CD9: variants seen among roughly 807,000 people sequenced by gnomAD.
CD9 encodes the protein CD9 molecule, also known as CD9 antigen.
Under a neutral mutation model 31.4 loss-of-function variants are expected in CD9, and 10 were observed. That is an observed-to-expected ratio of 0.32 (90% CI 0.20 to 0.54). The LOEUF (loss-of-function observed/expected upper bound fraction) is 0.54. Among genes scored for constraint, CD9 ranks in the 20% least tolerant of loss-of-function variants. CD9 has a pLI of 0.94. For synonymous variants in CD9, 113 were observed against 114.1 expected (o/e 0.99, Z 0.06); for missense variants, 259 against 300.1 (o/e 0.86, Z 1.01).
At chr12:6,223,507 C>T (rs1040674853) in intron 1 of CD9, among the ~76,000 whole-genome samples, 2 of 152,074 alleles carry the variant, frequency 1.3e-5, no homozygotes, top group Admixed American at 1.3e-4. Context: ...GTGATCCACC[C>T]GCCTCAGCCT....
intron 2 of CD9, among the ~76,000 whole-genome samples, chr12:6,226,914 G>A (rs543805479): frequency 1.4e-4 from 22 of 152,162 alleles, no homozygotes; most frequent in Non-Finnish European, 2.9e-4. Flanking sequence ...CACACTCCAC[G>A]CCGTGTTCCA....
chr12:6,232,001 C>T lies in CD9; in HGVS notation c.176-631C>T, dbSNP rs892282017. 6.6e-6 allele frequency among the ~76,000 whole-genome samples: 1 copy of T among 152,160 alleles called. No individual in the cohort carries two copies. Among genetic ancestry groups the T allele is most frequent in the African/African-American group, 2.4e-5 (1 of 41,442 alleles). ...GTCTTCTGACACCCAGATCTGTGTC[C>T]TTTGCACTAGAGTCAGGTATTGGAC... On this transcript the variant is annotated intron_variant, in intron 2 of 7. Transcript: ENST00000009180. The surrounding 1 kb of genome is among the most constrained non-coding windows in gnomAD (Gnocchi z 4.8).
chr12:6,202,390 C>CG (rs1946087349), intron 1 of CD9, among the ~76,000 whole-genome samples: 1 of 152,206 alleles, frequency 6.6e-6, no homozygotes, highest in Admixed American at 6.5e-5. Context: ...GAAAAGTATG[C>CG]GGGAAGGCAG....
chr12:6,210,034 G>A (rs998325507), intron 1 of CD9, among the ~76,000 whole-genome samples: 1 of 152,172 alleles, frequency 6.6e-6, no homozygotes, highest in Non-Finnish European at 1.5e-5. Flanking sequence ...GGATGAGGAG[G>A]GACACTTTGG....
chr12:6,233,635 G>A, intron 4 of CD9, 149 bp downstream of exon 4: 1 of 660,200 alleles, frequency 1.5e-6, no homozygotes, highest in Non-Finnish European at 2.7e-6. Flanking sequence ...GCCAGCGAAT[G>A]TGCCCTCCTC....
At position 6,237,922 on chromosome 12, in the gene CD9, G is replaced by GT. The variant is rs1265837817; in HGVS notation, c.*101dup. 11 of 952,266 alleles carry GT rather than the reference G, an allele frequency of 1.2e-5. No individual in the cohort carries two copies. The highest frequency in any genetic ancestry group is 4.3e-5 in the South Asian group (3 of 69,610). 59.0% of individuals were successfully genotyped at this position (952,266 alleles called of 1,614,324 possible). A position where few individuals can be genotyped will look rare whatever the true frequency, so the allele number is the denominator to read the frequency against. ...TTGTTTTGTTTGTTGTTTGTTGTTTGTTTTTTTGCCACTAATTTTAGTATT... is the reference window on the plus strand; with the variant it reads ...TTGTTTTGTTTGTTGTTTGTTGTTTGTTTTTTTTGCCACTAATTTTAGTATT... On this transcript the variant is annotated 3_prime_UTR_variant, in exon 8 of 8. Transcript: ENST00000009180.
intron 3 of CD9, 55 bp from the exon 4 acceptor site, chr12:6,233,357 T>A: frequency 7.4e-7 from 1 of 1,347,458 alleles, no homozygotes; most frequent in Non-Finnish European, 1.1e-6. Context: ...ACCCTTTGAT[T>A]TTCCTGGCTG....
Position 6,235,439 on chromosome 12 carries a change from T to C in CD9, c.448-37T>C, listed in dbSNP as rs754944209. The C allele has an allele frequency of 1.9e-6, 3 of 1,613,532 alleles. No homozygotes were observed. In the Admixed American group the frequency reaches 5.0e-5, roughly 27 times the overall value. Reference sequence around the variant, plus strand: ...ACATTCTAATCGTCTTCTTACAATTTGTTTCTCTCATCCCCATCCCTGCCT... The same window carrying C: ...ACATTCTAATCGTCTTCTTACAATTCGTTTCTCTCATCCCCATCCCTGCCT... On this transcript the variant is annotated intron_variant, in intron 5 of 7. Transcript: ENST00000009180.
intron 1 of CD9, among the ~76,000 whole-genome samples, chr12:6,209,699 T>C (rs1946172135): frequency 7.7e-6 from 1 of 130,712 alleles, no homozygotes; most frequent in Non-Finnish European, 1.7e-5. Context: ...TTTTTTTTTT[T>C]TCTGAGATGG....
At chr12:6,214,815 C>T (rs1823870521) in intron 1 of CD9, among the ~76,000 whole-genome samples, 1 of 152,112 alleles carries the variant, frequency 6.6e-6, no homozygotes, top group African/African-American at 2.4e-5. Context: ...GGGAGCCTCT[C>T]ACGGGCCCAC....
At chr12:6,219,405 G>GTC (rs1188903059) in intron 1 of CD9, among the ~76,000 whole-genome samples, 2 of 152,176 alleles carry the variant, frequency 1.3e-5, no homozygotes, top group East Asian at 3.8e-4. Flanking sequence ...GGAAATTGTT[G>GTC]TCATTCCCCA....
chr12:6,216,922 C>T (rs1946249013), intron 1 of CD9, among the ~76,000 whole-genome samples: 2 of 152,138 alleles, frequency 1.3e-5, no homozygotes, highest in South Asian at 2.1e-4. Flanking sequence ...CTATGGAATC[C>T]GGCTGGCTGT....
At chr12:6,212,392 C>T (rs1045465457) in intron 1 of CD9, among the ~76,000 whole-genome samples, 1 of 152,250 alleles carries the variant, frequency 6.6e-6, no homozygotes, top group African/African-American at 2.4e-5. Context: ...ACCTCTCATG[C>T]ATTGCATTAC....
chr12:6,200,621 C>G, intron 1 of CD9, 56 bp downstream of exon 1: 1 of 1,231,540 alleles, frequency 8.1e-7, no homozygotes, highest in Non-Finnish European at 1.2e-6. Flanking sequence ...TCGCGGGCCC[C>G]GGACACTGGC....
At chr12:6,219,224 T>G (rs1353677379) in intron 1 of CD9, among the ~76,000 whole-genome samples, 1 of 152,010 alleles carries the variant, frequency 6.6e-6, no homozygotes. Flanking sequence ...CAGGCTGGTC[T>G]CAAACTCCTG....
chr12:6,219,067 T>A (rs1946268240), intron 1 of CD9, among the ~76,000 whole-genome samples: 1 of 151,664 alleles, frequency 6.6e-6, no homozygotes. Context: ...GTGCAGTGGC[T>A]CAATCTCCGC....
intron 1 of CD9, among the ~76,000 whole-genome samples, chr12:6,205,402 A>G (rs905255465): frequency 2.0e-5 from 3 of 152,120 alleles, no homozygotes; most frequent in African/African-American, 4.8e-5. Context: ...ACCCTGCTCT[A>G]TTGTGCTCAG....
Position 6,227,268 on chromosome 12 carries a change from G to A in CD9, c.175+1734G>A, listed in dbSNP as rs200599768. On this transcript the variant is annotated intron_variant, in intron 2 of 7. Coordinates refer to ENST00000009180, the MANE Select transcript of CD9 (RefSeq NM_001769.4). ...GGCTGGAGTGCAATGACACAATCTCGGCTCACCGCAACCTCTGCCTCCCAG... is the reference window on the plus strand; with the variant it reads ...GGCTGGAGTGCAATGACACAATCTCAGCTCACCGCAACCTCTGCCTCCCAG... 1.3e-4 allele frequency among the ~76,000 whole-genome samples: 19 copies of A among 151,408 alleles called. No individual in the cohort carries two copies. In the East Asian group the frequency reaches 1.4e-3, roughly 11 times the overall value.
chr12:6,205,625 T>C (rs1348229081), intron 1 of CD9, among the ~76,000 whole-genome samples: 1 of 152,264 alleles, frequency 6.6e-6, no homozygotes, highest in African/African-American at 2.4e-5. Flanking sequence ...TTTGTTTGTT[T>C]GTTTGTTTTT....
Sources: allele counts gnomAD v4.1 joint callset (sites outside exome capture counted in the v4.1 genomes callset), GRCh38; gene constraint gnomAD v4.1.1; non-coding constraint Gnocchi (gnomAD v3.1); transcripts MANE v1.5; gene names NCBI Gene and HGNC (gene_info 2026-07-23, HGNC 2026-07-21).